Variants in ST6GALNAC3 observed in about 807,000 individuals in gnomAD.
The protein encoded by ST6GALNAC3 is ST6 N-acetylgalactosaminide alpha-2,6-sialyltransferase 3, also known as alpha-N-acetylgalactosaminide alpha-2,6-sialyltransferase 3.
A neutral mutation model predicts 32.7 loss-of-function variants in ST6GALNAC3; 25 were observed. That is an observed-to-expected ratio of 0.76 (90% CI 0.56 to 1.07). The LOEUF is 1.07. Ranked by LOEUF, ST6GALNAC3 falls within the 50% of genes least tolerant of loss-of-function variation. The pLI, the probability that ST6GALNAC3 is intolerant of heterozygous loss-of-function variation, is 0.00. For missense variants in ST6GALNAC3, 355 were observed against 382.4 expected (o/e 0.93, Z 0.60); for synonymous variants, 129 against 133.1 (o/e 0.97, Z 0.21).
intron 3 of ST6GALNAC3, among the ~76,000 whole-genome samples, chr1:76,420,457 T>C (rs1040444787): frequency 6.6e-6 from 1 of 152,040 alleles, no homozygotes; most frequent in African/African-American, 2.4e-5. Flanking sequence ...TGTTTATGTG[T>C]TCATTTCTTT....
At chr1:76,582,261 A>G (rs1440719095) in intron 3 of ST6GALNAC3, among the ~76,000 whole-genome samples, 1 of 152,162 alleles carries the variant, frequency 6.6e-6, no homozygotes, top group African/African-American at 2.4e-5. Context: ...ATGGATATAA[A>G]TGAAAGTTCA....
intron 1 of ST6GALNAC3, among the ~76,000 whole-genome samples, chr1:76,241,222 G>A (rs937967701): frequency 3.9e-5 from 6 of 152,246 alleles, no homozygotes; most frequent in African/African-American, 1.4e-4. Flanking sequence ...TCTGTTTTGT[G>A]TTGCTATAAA....
intron 3 of ST6GALNAC3, among the ~76,000 whole-genome samples, chr1:76,512,782 A>G (rs948575468): frequency 6.6e-6 from 1 of 151,564 alleles, no homozygotes; most frequent in African/African-American, 2.4e-5. Context: ...TATTATATCA[A>G]CTCTTTATTT....
At chr1:76,461,106 C>G (rs1386506022) in intron 3 of ST6GALNAC3, among the ~76,000 whole-genome samples, 1 of 152,128 alleles carries the variant, frequency 6.6e-6, no homozygotes, top group Non-Finnish European at 1.5e-5. Flanking sequence ...AAATGGAATC[C>G]TGGGAGTGCA....
chr1:76,574,616 T>C (rs1052420150), intron 3 of ST6GALNAC3, among the ~76,000 whole-genome samples: 2 of 152,034 alleles, frequency 1.3e-5, no homozygotes, highest in African/African-American at 4.8e-5. Context: ...CAAGGGCCCA[T>C]AGTTTCTTCC....
intron 2 of ST6GALNAC3, among the ~76,000 whole-genome samples, chr1:76,407,975 TAAG>T (rs1653952788): frequency 6.6e-6 from 1 of 152,066 alleles, no homozygotes; most frequent in Non-Finnish European, 1.5e-5. Context: ...ATAAAGCTAA[TAAG>T]AAAAACTGAG....
At chr1:76,485,466 C>A (rs1396156010) in intron 3 of ST6GALNAC3, among the ~76,000 whole-genome samples, 1 of 147,012 alleles carries the variant, frequency 6.8e-6, no homozygotes. Flanking sequence ...TGTATGTGTC[C>A]AGGAATTTAT....
At position 76,520,790 on chromosome 1, in the gene ST6GALNAC3, C is replaced by A. The variant is rs544433707; in HGVS notation, c.624-106662C>A. Among the ~76,000 whole-genome samples the A allele has an allele frequency of 3.2e-4, 48 of 152,186 alleles. No individual in the cohort carries two copies. In the Middle Eastern group the frequency reaches 0.014, roughly 43 times the overall value. The stretch of plus-strand genomic sequence containing the variant: ...TTCTGTTTGACTAATATCAATATAG[C>A]CATACCAGTTTTATTTGGTTTGTAA... On this transcript the variant is annotated intron_variant, in intron 3 of 4. Transcript: ENST00000328299.
In ST6GALNAC3 at chr1:76,584,134, G is replaced by A. The variant is rs315033; in HGVS notation, c.624-43318G>A. On this transcript the variant is annotated intron_variant, in intron 3 of 4. Transcript: ENST00000328299. The stretch of plus-strand genomic sequence containing the variant: ...CTTTTATTATCCCTATCTTTTGCAT[G>A]GGGAGTATTATAGAAGCTGGATAAC... 8.5e-5 allele frequency among the ~76,000 whole-genome samples: 13 copies of A among 152,180 alleles called. 1 individual carries two copies. Among genetic ancestry groups the A allele is most frequent in the Non-Finnish European group, 1.3e-4 (9 of 68,040 alleles).
chr1:76,176,484 A>G (rs1483977792), intron 1 of ST6GALNAC3, among the ~76,000 whole-genome samples: 2 of 152,162 alleles, frequency 1.3e-5, no homozygotes, highest in Non-Finnish European at 2.9e-5. Context: ...ATCCTAATTG[A>G]TGGTAGAAAC....
intron 1 of ST6GALNAC3, among the ~76,000 whole-genome samples, chr1:76,245,907 T>C (rs1657230961): frequency 6.6e-6 from 1 of 152,200 alleles, no homozygotes; most frequent in East Asian, 1.9e-4. Flanking sequence ...GAGAGTTCTA[T>C]AGTTGTTTGT....
intron 3 of ST6GALNAC3, among the ~76,000 whole-genome samples, chr1:76,578,597 T>C (rs1003429610): frequency 3.3e-5 from 5 of 152,028 alleles, no homozygotes; most frequent in African/African-American, 1.2e-4. Flanking sequence ...CTCTAAAATA[T>C]GGAATTTCTA....
At chr1:76,185,713 G>A (rs1418723740) in intron 1 of ST6GALNAC3, among the ~76,000 whole-genome samples, 1 of 152,122 alleles carries the variant, frequency 6.6e-6, no homozygotes, top group African/African-American at 2.4e-5. Context: ...ACACAGAGAC[G>A]AACAGACCAG....
chr1:76,288,422 A>G (rs1342043744), intron 1 of ST6GALNAC3, among the ~76,000 whole-genome samples: 1 of 152,204 alleles, frequency 6.6e-6, no homozygotes, highest in Non-Finnish European at 1.5e-5. Context: ...TCATCCCTGG[A>G]GGCATCACAC....
chr1:76,364,334 A>C (rs531528172), intron 2 of ST6GALNAC3, among the ~76,000 whole-genome samples: 14 of 152,270 alleles, frequency 9.2e-5, no homozygotes, highest in African/African-American at 3.4e-4. Flanking sequence ...GGATCACCTG[A>C]AGTCAGGAGT....
intron 2 of ST6GALNAC3, among the ~76,000 whole-genome samples, chr1:76,407,710 A>G (rs1339859790): frequency 1.3e-5 from 2 of 152,016 alleles, no homozygotes; most frequent in African/African-American, 4.8e-5. Flanking sequence ...AATAGAGACA[A>G]TTCAACTATA....
Position 76,630,447 on chromosome 1 carries a change from A to G in ST6GALNAC3, c.*1641A>G. ...GGATTGAGACAATTCTATTTTTCAT[A>G]TACTCGTTGCTCATTAAATAGTAAA... On this transcript the variant is annotated 3_prime_UTR_variant, in exon 5 of 5. Coordinates refer to ENST00000328299, the MANE Select transcript of ST6GALNAC3 (RefSeq NM_152996.4). 1.0e-6 allele frequency: 1 copy of G among 985,240 alleles called. No individual in the cohort carries two copies. Among genetic ancestry groups the G allele is most frequent in the African/African-American group, 1.7e-5 (1 of 57,316 alleles). 61.0% of individuals were successfully genotyped at this position (985,240 alleles called of 1,614,324 possible). A position where few individuals can be genotyped will look rare whatever the true frequency, so the allele number is the denominator to read the frequency against.
chr1:76,344,047 A>G (rs550224775), intron 2 of ST6GALNAC3, among the ~76,000 whole-genome samples: 1 of 152,354 alleles, frequency 6.6e-6, no homozygotes, highest in Non-Finnish European at 1.5e-5. Context: ...AAATGGCAGC[A>G]TAGACAAATA....
chr1:76,105,497 C>T lies in ST6GALNAC3; in HGVS notation c.18+30613C>T, dbSNP rs148600910. 4.2e-3 allele frequency among the ~76,000 whole-genome samples: 522 copies of T among 124,946 alleles called. 5 individuals carry two copies. The highest frequency in any genetic ancestry group is 0.018 in the African/African-American group (506 of 27,816). The allele number at this position is 124,946 out of a possible 152,430, so 82.0% of individuals were successfully genotyped here. A position where few individuals can be genotyped will look rare whatever the true frequency, so the allele number is the denominator to read the frequency against. ...CACAGATTACAGATGGAGATGCTGA[C>T]ATCCTGAGATTAGGTCACAGAGGTG... On this transcript the variant is annotated intron_variant, in intron 1 of 4. Coordinates refer to ENST00000328299, the MANE Select transcript of ST6GALNAC3 (RefSeq NM_152996.4).
Sources: allele counts gnomAD v4.1 joint callset (sites outside exome capture counted in the v4.1 genomes callset), GRCh38; gene constraint gnomAD v4.1.1; transcripts MANE v1.5; gene names NCBI Gene and HGNC (gene_info 2026-07-23, HGNC 2026-07-21).